ANKRD44: variants seen among roughly 807,000 people sequenced by gnomAD.
The protein encoded by ANKRD44 is ankyrin repeat domain 44, also known as serine/threonine-protein phosphatase 6 regulatory ankyrin repeat subunit B.
In ANKRD44, 35 loss-of-function variants were observed where a neutral mutation model predicts 116.0. The observed-to-expected ratio is 0.30, with a 90% confidence interval of 0.23 to 0.40. The LOEUF (loss-of-function observed/expected upper bound fraction) is 0.40, where lower values mean the gene tolerates loss of function less well. ANKRD44 is among the 10% of genes least tolerant of loss of function. The pLI is 1.00. For missense variants in ANKRD44, 1,014 were observed against 1,242.6 expected (o/e 0.82, Z 2.77); for synonymous variants, 435 against 461.8 (o/e 0.94, Z 0.74).
intron 16 of ANKRD44, among the ~76,000 whole-genome samples, chr2:197,068,351 T>TA (rs1339762198): frequency 1.7e-5 from 2 of 115,674 alleles, no homozygotes; most frequent in East Asian, 2.4e-4. Flanking sequence ...CCCTAAAACT[T>TA]AGAGTATAAT....
Position 196,989,163 on chromosome 2 carries a change from T to C in ANKRD44, c.*428A>G, listed in dbSNP as rs570922215. On this transcript the variant is annotated 3_prime_UTR_variant, in exon 28 of 28. Transcript: ENST00000282272. ...TTTTTTTTTGTTATTCTAAATAAGA[T>C]ACATAGCAATTAAAATAGAGAACAA... 51 of 982,566 alleles carry C rather than the reference T, an allele frequency of 5.2e-5. 1 individual carries two copies. Among genetic ancestry groups the C allele is most frequent in the East Asian group, 3.4e-4 (3 of 8,754 alleles). The allele number at this position is 982,566 out of a possible 1,614,324, so 60.9% of individuals were successfully genotyped here. A position where few individuals can be genotyped will look rare whatever the true frequency, so the allele number is the denominator to read the frequency against.
At chr2:196,976,503 A>T (rs1037271064) in intron 21 of ANKRD44, among the ~76,000 whole-genome samples, 1 of 152,180 alleles carries the variant, frequency 6.6e-6, no homozygotes, top group African/African-American at 2.4e-5. Context: ...TCCTATACAG[A>T]TTGGAAAAGA....
chr2:197,153,300 G>C (rs1282717370), intron 2 of ANKRD44, among the ~76,000 whole-genome samples: 1 of 150,478 alleles, frequency 6.6e-6, no homozygotes. Context: ...AGGAGGAGGA[G>C]GAGGGTTCCA....
chr2:197,189,551 G>T (rs1033335303), intron 1 of ANKRD44, among the ~76,000 whole-genome samples: 10 of 152,190 alleles, frequency 6.6e-5, no homozygotes, highest in African/African-American at 2.4e-4. Flanking sequence ...CACAGAGCCA[G>T]ACACAAATTC....
intron 1 of ANKRD44, among the ~76,000 whole-genome samples, chr2:197,217,057 G>T: frequency 6.6e-6 from 1 of 152,082 alleles, no homozygotes; most frequent in Non-Finnish European, 1.5e-5. Flanking sequence ...AGATGAAAAA[G>T]GTTTGACTAT....
rs1264598049 is a variant in ANKRD44, at chr2:196,989,545, C to T, written c.*46G>A. ...ACACATATATATATATATACACACG[C>T]ACACATATATGTGTGCATGTGTATG... On this transcript the variant is annotated 3_prime_UTR_variant, in exon 28 of 28. Coordinates refer to ENST00000282272, the MANE Select transcript of ANKRD44 (RefSeq NM_001195144.2). 5.8e-6 allele frequency: 9 copies of T among 1,545,132 alleles called. No homozygotes were observed. Among genetic ancestry groups the T allele is most frequent in the Non-Finnish European group, 7.9e-6 (9 of 1,144,362 alleles).
intron 16 of ANKRD44, among the ~76,000 whole-genome samples, chr2:197,076,599 C>T (rs1465580544): frequency 1.3e-5 from 2 of 152,056 alleles, no homozygotes; most frequent in African/African-American, 4.8e-5. Flanking sequence ...CATTTTGCCA[C>T]CCAGGTACTA....
intron 16 of ANKRD44, among the ~76,000 whole-genome samples, chr2:197,071,330 TG>T (rs1246369753): frequency 6.6e-6 from 1 of 152,230 alleles, no homozygotes; most frequent in Non-Finnish European, 1.5e-5. Context: ...GTAACCATTT[TG>T]TGCTAAAAAT....
At chr2:197,216,509 C>T (rs1056692066) in intron 1 of ANKRD44, among the ~76,000 whole-genome samples, 43 of 152,156 alleles carry the variant, frequency 2.8e-4, no homozygotes, top group East Asian at 1.2e-3. Context: ...AACTGTTCAT[C>T]GAGACATTTC....
At chr2:197,101,231 CTT>C (rs547267717) in intron 9 of ANKRD44, among the ~76,000 whole-genome samples, 2 of 146,048 alleles carry the variant, frequency 1.4e-5, no homozygotes, top group Admixed American at 6.8e-5. Context: ...ATCCTCCTGG[CTT>C]TTTTTTTTTA....
chr2:197,281,323 C>A (rs2083258197), intron 1 of ANKRD44, among the ~76,000 whole-genome samples: 1 of 152,036 alleles, frequency 6.6e-6, no homozygotes, highest in Admixed American at 6.6e-5. Flanking sequence ...CTGCTCCCCA[C>A]CTCCTGATCC....
Position 196,988,000 on chromosome 2 carries a change from G to C in ANKRD44, c.*1591C>G. ...GAGGAAGAGAGAGAGAGAGAGATCA[G>C]TTGATGTAATGAACAGTTCATTGTG... On this transcript the variant is annotated 3_prime_UTR_variant, in exon 28 of 28. Transcript: ENST00000282272. 11 of 985,342 alleles carry C rather than the reference G, an allele frequency of 1.1e-5. No homozygotes were observed. Among genetic ancestry groups the C allele is most frequent in the Non-Finnish European group, 1.2e-5 (10 of 829,888 alleles). The allele number at this position is 985,342 out of a possible 1,614,324, so 61.0% of individuals were successfully genotyped here.
chr2:197,181,586 C>G (rs2080506981), intron 2 of ANKRD44, among the ~76,000 whole-genome samples: 1 of 152,100 alleles, frequency 6.6e-6, no homozygotes, highest in Non-Finnish European at 1.5e-5. Flanking sequence ...ATTTTAGTCT[C>G]TAAGACTCAA....
At chr2:197,145,566 A>C (rs2079479189) in intron 3 of ANKRD44, among the ~76,000 whole-genome samples, 1 of 152,198 alleles carries the variant, frequency 6.6e-6, no homozygotes, top group Non-Finnish European at 1.5e-5. Context: ...TATTCTCAAA[A>C]GCACAAGAAA....
intron 17 of ANKRD44, among the ~76,000 whole-genome samples, chr2:197,016,550 G>A (rs963668423): frequency 3.9e-5 from 6 of 152,176 alleles, no homozygotes; most frequent in East Asian, 1.9e-4. Context: ...AACAACTGCT[G>A]ACTTACAGTT....
chr2:197,123,484 A>G (rs950564509), intron 6 of ANKRD44, among the ~76,000 whole-genome samples: 1 of 152,182 alleles, frequency 6.6e-6, no homozygotes, highest in Admixed American at 6.5e-5. Context: ...TACAAAACTT[A>G]GTTGGGCATG....
At chr2:197,152,650 G>T (rs1349176157) in intron 2 of ANKRD44, among the ~76,000 whole-genome samples, 1 of 152,178 alleles carries the variant, frequency 6.6e-6, no homozygotes, top group Non-Finnish European at 1.5e-5. Context: ...CTTGAAGTAG[G>T]TACATGCAAA....
chr2:197,126,510 A>T (rs1559084882), intron 4 of ANKRD44, among the ~76,000 whole-genome samples: 1 of 152,234 alleles, frequency 6.6e-6, no homozygotes, highest in African/African-American at 2.4e-5. Flanking sequence ...TACCATCTCA[A>T]CTTAAAGCTA....
At chr2:197,304,882 T>C (rs549389249) in intron 1 of ANKRD44, among the ~76,000 whole-genome samples, 18 of 152,194 alleles carry the variant, frequency 1.2e-4, no homozygotes, top group Non-Finnish European at 2.5e-4. Context: ...CATAAAACAA[T>C]CTTTGTAATA....
Sources: allele counts gnomAD v4.1 joint callset (sites outside exome capture counted in the v4.1 genomes callset), GRCh38; gene constraint gnomAD v4.1.1; transcripts MANE v1.5; gene names NCBI Gene and HGNC (gene_info 2026-07-23, HGNC 2026-07-21).